The following TM7SF3 variants were observed in gnomAD, a reference collection of about 807,000 sequenced individuals.
The protein encoded by TM7SF3 is transmembrane 7 superfamily member 3.
In TM7SF3, 60 loss-of-function variants were observed where a neutral mutation model predicts 65.5. The observed-to-expected ratio is 0.92, with a 90% CI of 0.74 to 1.14. The LOEUF (loss-of-function observed/expected upper bound fraction) is 1.14, where lower values mean the gene tolerates loss of function less well. Among genes scored for constraint, TM7SF3 ranks in the 50% most tolerant of loss-of-function variants. The pLI is 0.00. For synonymous variants in TM7SF3, 264 were observed against 259.6 expected (o/e 1.02, Z -0.16); for missense variants, 623 against 684.8 (o/e 0.91, Z 1.01).
intron 6 of TM7SF3, among the ~76,000 whole-genome samples, chr12:26,985,547 C>T (rs891958514): frequency 2.1e-5 from 3 of 141,518 alleles, no homozygotes; most frequent in Non-Finnish European, 3.0e-5. Flanking sequence ...ATTACTTGAA[C>T]CTGAGAGGCA....
At chr12:27,002,664 A>T (rs1037048107) in intron 2 of TM7SF3, among the ~76,000 whole-genome samples, 9 of 152,332 alleles carry the variant, frequency 5.9e-5, no homozygotes, top group African/African-American at 2.2e-4. Flanking sequence ...AACCCAGAGA[A>T]TTTTAAAAAC....
In TM7SF3 at chr12:26,982,807, G is replaced by T. The variant is rs746150345; in HGVS notation, c.921C>A (p.Phe307Leu). Residue 307 changes from phenylalanine to leucine, a missense_variant, in exon 7 of 12, where the codon TTC becomes TTA. By Grantham distance (22) the Phe-to-Leu change is conservative. Coordinates refer to ENST00000343028, the MANE Select transcript of TM7SF3 (RefSeq NM_016551.3). ...AGAATCTGTGTCCAAAGAAACAAAT[G>T]AAGAAACCAAGCAGGGCAAAAAGAG... ...FFTLFALLGFFICFFGHRFWK... is the reference protein window; with the variant it reads ...FFTLFALLGFLICFFGHRFWK... 1 of 1,609,370 alleles carries T rather than the reference G, an allele frequency of 6.2e-7. No homozygotes were observed. The highest frequency in any genetic ancestry group is 8.5e-7 in the Non-Finnish European group (1 of 1,178,592).
chr12:27,011,080 A>G (rs1359093603), intron 1 of TM7SF3, among the ~76,000 whole-genome samples: 1 of 152,250 alleles, frequency 6.6e-6, no homozygotes, highest in African/African-American at 2.4e-5. Flanking sequence ...TGAGTTGGTC[A>G]GCAGTCAACC....
chr12:26,984,461 A>AC (rs1939957395), intron 6 of TM7SF3, among the ~76,000 whole-genome samples: 1 of 151,058 alleles, frequency 6.6e-6, no homozygotes, highest in South Asian at 2.1e-4. Flanking sequence ...AAAAAAAAAA[A>AC]CCCAGAAAGA....
intron 6 of TM7SF3, among the ~76,000 whole-genome samples, chr12:26,989,847 C>T (rs1468624164): frequency 6.6e-6 from 1 of 152,148 alleles, no homozygotes; most frequent in Non-Finnish European, 1.5e-5. Flanking sequence ...GATCATGGCA[C>T]CATTTGCTCA....
At chr12:26,992,832 C>A (rs1940429866) in intron 5 of TM7SF3, among the ~76,000 whole-genome samples, 1 of 150,618 alleles carries the variant, frequency 6.6e-6, no homozygotes, top group Non-Finnish European at 1.5e-5. Flanking sequence ...TCCTATATAA[C>A]AATACCTTAG....
At chr12:26,997,653 C>T (rs1366042503) in intron 3 of TM7SF3, among the ~76,000 whole-genome samples, 1 of 152,056 alleles carries the variant, frequency 6.6e-6, no homozygotes, top group African/African-American at 2.4e-5. Flanking sequence ...CCTTTACCCC[C>T]AAGCTTTAAG....
In TM7SF3 at chr12:26,999,786, A is replaced by G. The variant is rs1302814716; in HGVS notation, c.247-110T>C. 1.7e-5 allele frequency: 19 copies of G among 1,132,848 alleles called. No homozygotes were observed. The East Asian group carries it at 4.4e-4, about 26-fold the overall frequency. 70.2% of individuals were successfully genotyped at this position (1,132,848 alleles called of 1,614,324 possible). On this transcript the variant is annotated intron_variant, in intron 2 of 11. Transcript: ENST00000343028. ...CCAAATCTTCCCAAAACAAATAGAAAAAAAAAACCTTCCTTAAATAACCAG... is the reference window on the plus strand; with the variant it reads ...CCAAATCTTCCCAAAACAAATAGAAGAAAAAAACCTTCCTTAAATAACCAG...
chr12:27,013,781 T>C (rs1485734255), intron 1 of TM7SF3, among the ~76,000 whole-genome samples: 2 of 152,162 alleles, frequency 1.3e-5, no homozygotes, highest in Non-Finnish European at 2.9e-5. Context: ...TAAGTTGAAT[T>C]AAAGCCACAA....
intron 3 of TM7SF3, among the ~76,000 whole-genome samples, chr12:26,997,112 T>C (rs1467720235): frequency 6.6e-6 from 1 of 152,220 alleles, no homozygotes; most frequent in African/African-American, 2.4e-5. Context: ...TTAGGCTTTG[T>C]CAGTCTGATG....
intron 1 of TM7SF3, among the ~76,000 whole-genome samples, chr12:27,005,373 C>G (rs1940991020): frequency 6.6e-6 from 1 of 152,180 alleles, no homozygotes; most frequent in African/African-American, 2.4e-5. Flanking sequence ...ACTAGGCACT[C>G]TAGTTGTTGG....
chr12:27,000,056 C>T lies in TM7SF3; in HGVS notation c.247-380G>A, dbSNP rs111770801. Among the ~76,000 whole-genome samples the T allele has an allele frequency of 8.3e-3, 1,266 of 152,250 alleles. 15 individuals are homozygous for T. The highest frequency in any genetic ancestry group is 0.029 in the African/African-American group (1,217 of 41,530). Reference sequence around the variant, plus strand: ...AAGACTCCCAACTTCTTGTTGTATCCTCACATGACAGAGAAAGGGCAAGAA... The same window carrying T: ...AAGACTCCCAACTTCTTGTTGTATCTTCACATGACAGAGAAAGGGCAAGAA... On this transcript the variant is annotated intron_variant, in intron 2 of 11. Coordinates refer to ENST00000343028, the MANE Select transcript of TM7SF3 (RefSeq NM_016551.3).
intron 6 of TM7SF3, among the ~76,000 whole-genome samples, chr12:26,985,806 GTTTTTTTT>G (rs149988617): frequency 4.7e-4 from 25 of 52,830 alleles, no homozygotes; most frequent in Non-Finnish European, 7.7e-4. Context: ...TTTCTTTTTC[GTTTTTTTT>G]TTTTTTTTTT....
At chr12:26,981,616 C>T (rs1939819752) in intron 7 of TM7SF3, among the ~76,000 whole-genome samples, 1 of 152,018 alleles carries the variant, frequency 6.6e-6, no homozygotes, top group Non-Finnish European at 1.5e-5. Context: ...ATATTCTTTA[C>T]AATACTCTCT....
chr12:26,981,907 T>A (rs1207915950), intron 7 of TM7SF3, among the ~76,000 whole-genome samples: 1 of 152,232 alleles, frequency 6.6e-6, no homozygotes, highest in Non-Finnish European at 1.5e-5. Context: ...CTTTGGCATC[T>A]GAATCTCTCA....
In TM7SF3 at chr12:26,995,228, CAG is replaced by C; in HGVS notation, c.690+7_690+8del. The C allele has an allele frequency of 6.2e-7, 1 of 1,608,858 alleles. No individual in the cohort carries two copies. The highest frequency in any genetic ancestry group is 1.3e-5 in the African/African-American group (1 of 74,834). ...ATCCAGCCACACAAATCATGGGACT[CAG>C]ATTTACCTTGAGAGCACTGGCCTTC... On this transcript the variant is annotated splice_region_variant and intron_variant, in intron 5 of 11. Coordinates refer to ENST00000343028, the MANE Select transcript of TM7SF3 (RefSeq NM_016551.3).
intron 10 of TM7SF3, 144 bp downstream of exon 10, chr12:26,976,116 A>G (rs1939552022): frequency 1.5e-6 from 1 of 673,772 alleles, no homozygotes. Context: ...TTTTCACAGT[A>G]ACAAGGCTAT....
At chr12:26,991,690 C>G (rs1448572219) in intron 5 of TM7SF3, among the ~76,000 whole-genome samples, 1 of 152,156 alleles carries the variant, frequency 6.6e-6, no homozygotes, top group East Asian at 1.9e-4. Flanking sequence ...GTTAATATTA[C>G]TCCCAAGTTA....
intron 5 of TM7SF3, among the ~76,000 whole-genome samples, chr12:26,992,344 T>C (rs544631396): frequency 5.0e-4 from 76 of 152,098 alleles, no homozygotes; most frequent in African/African-American, 1.6e-3. Flanking sequence ...GGCACGATCA[T>C]CTCGGCTCAC....
Sources: allele counts gnomAD v4.1 joint callset (sites outside exome capture counted in the v4.1 genomes callset), GRCh38; gene constraint gnomAD v4.1.1; transcripts MANE v1.5; gene names NCBI Gene and HGNC (gene_info 2026-07-23, HGNC 2026-07-21).